PRPF8: variants seen among roughly 807,000 people sequenced by gnomAD.
The protein encoded by PRPF8 is pre-mRNA-processing-splicing factor 8.
A neutral mutation model predicts 285.9 loss-of-function variants in PRPF8; 64 were observed. The observed-to-expected ratio is 0.22, with a 90% CI of 0.18 to 0.28. The LOEUF (loss-of-function observed/expected upper bound fraction) is 0.28. Ranked by LOEUF, PRPF8 falls within the 10% of genes least tolerant of loss-of-function variation. The pLI, the probability that PRPF8 is intolerant of heterozygous loss-of-function variation, is 1.00. For synonymous variants in PRPF8, 1,325 were observed against 1,118.2 expected (o/e 1.18, Z -3.69); for missense variants, 1,426 against 3,026.7 (o/e 0.47, Z 12.41).
At chr17:1,682,537 T>A (rs553640898) in intron 3 of PRPF8, among the ~76,000 whole-genome samples, 45 of 152,230 alleles carry the variant, frequency 3.0e-4, no homozygotes, top group African/African-American at 1.1e-3. Context: ...TCAACGGCTA[T>A]CCCTCTGGAG....
At chr17:1,677,844 G>T (rs956312639) in intron 13 of PRPF8, 150 bp from the exon 14 acceptor site, 6 of 1,005,224 alleles carry the variant, frequency 6.0e-6, no homozygotes, top group Admixed American at 2.6e-5. Context: ...AAAAAACTCT[G>T]GGACCTCAAC....
rs1166478618 is a variant in PRPF8 at position 1,659,637 on chromosome 17, C to G, written c.4947-89G>C. The stretch of plus-strand genomic sequence containing the variant: ...GAACCACTTAAATCCCAAAACCATC[C>G]CACCCACTCCACCAACTTGTTCCAG... On this transcript the variant is annotated intron_variant, in intron 31 of 42. Coordinates refer to ENST00000304992, the MANE Select transcript of PRPF8 (RefSeq NM_006445.4). This position sits in a 1 kb window ranked among gnomAD's most constrained non-coding sequence, Gnocchi z 5.1. 1.3e-6 allele frequency: 2 copies of G among 1,484,734 alleles called. No homozygotes were observed. Among genetic ancestry groups the G allele is most frequent in the Non-Finnish European group, 1.9e-6 (2 of 1,075,616 alleles). The allele number at this position is 1,484,734 out of a possible 1,614,324, so 92.0% of individuals were successfully genotyped here. A position where few individuals can be genotyped will look rare whatever the true frequency, so the allele number is the denominator to read the frequency against.
rs1912455001 is a variant in PRPF8, at chr17:1,673,786, G to A, written c.3406C>T (p.Arg1136Ter). The change falls in exon 22 of 43, where the codon CGA becomes TGA. Residue 1136 changes from arginine to a stop codon, truncating the protein, a stop_gained. Transcript: ENST00000304992. LOFTEE classifies it high-confidence loss of function. The surrounding 1 kb of genome is among the most constrained non-coding windows in gnomAD (Gnocchi z 5.5). ...TTCATGAGGCGCATGCGGGCATCTC[G>A]GGGCCAGCACTTCTTGTTATTATAG... is the stretch of plus-strand genomic sequence containing the variant. ...VGYNNKKCWP[R>*]DARMRLMKHD... is the part of the protein sequence containing the mutation. The A allele has an allele frequency of 1.2e-6, 2 of 1,614,082 alleles. No homozygotes were observed. Among genetic ancestry groups the A allele is most frequent in the Non-Finnish European group, 1.7e-6 (2 of 1,180,032 alleles).
chr17:1,672,948 C>T, intron 24 of PRPF8, 133 bp downstream of exon 24: 1 of 850,330 alleles, frequency 1.2e-6, no homozygotes, highest in Non-Finnish European at 2.0e-6. Flanking sequence ...GCCACTATGG[C>T]ACAGAGCATG....
chr17:1,679,276 C>G lies in PRPF8; in HGVS notation c.1409+15G>C. 2 of 1,614,142 alleles carry G rather than the reference C, an allele frequency of 1.2e-6. No homozygotes were observed. The highest frequency in any genetic ancestry group is 1.7e-6 in the Non-Finnish European group (2 of 1,180,014). ...CTGGAACAGAAGTCTGCGCAGGGCC[C>G]CTGGGGCACCTTACCTCTTCTTTTG... On this transcript the variant is annotated intron_variant, in intron 10 of 42. Coordinates refer to ENST00000304992, the MANE Select transcript of PRPF8 (RefSeq NM_006445.4). The surrounding 1 kb of genome is among the most constrained non-coding windows in gnomAD (Gnocchi z 4.7).
At chr17:1,669,247 C>G (rs1414806440) in intron 24 of PRPF8, among the ~76,000 whole-genome samples, 1 of 152,156 alleles carries the variant, frequency 6.6e-6, no homozygotes, top group Admixed American at 6.5e-5. Flanking sequence ...GCTGAGATTA[C>G]AGGCACCCGC....
chr17:1,676,972 C>T lies in PRPF8; in HGVS notation c.2181+4G>A, dbSNP rs1357233581. 6.2e-7 allele frequency: 1 copy of T among 1,613,542 alleles called. No individual in the cohort carries two copies. The highest frequency in any genetic ancestry group is 8.5e-7 in the Non-Finnish European group (1 of 1,180,026). On this transcript the variant is annotated splice_donor_region_variant and intron_variant, in intron 15 of 42. Coordinates refer to ENST00000304992, the MANE Select transcript of PRPF8 (RefSeq NM_006445.4). The surrounding 1 kb of genome is among the most constrained non-coding windows in gnomAD (Gnocchi z 6.3). The stretch of plus-strand genomic sequence containing the variant: ...CGCCTCCAAGGAAATAAAGAGACAC[C>T]CACCTTCCAGGGAATGTTGGCTTTC...
Position 1,673,969 on chromosome 17 carries a change from G to C in PRPF8, c.3300-77C>G. 1 of 1,550,580 alleles carries C rather than the reference G, an allele frequency of 6.4e-7. No homozygotes were observed. The highest frequency in any genetic ancestry group is 8.8e-7 in the Non-Finnish European group (1 of 1,134,720). On this transcript the variant is annotated intron_variant, in intron 21 of 42. Coordinates refer to ENST00000304992, the MANE Select transcript of PRPF8 (RefSeq NM_006445.4). This position sits in a 1 kb window ranked among gnomAD's most constrained non-coding sequence, Gnocchi z 5.5. ...CACCCACAAGTCCTCCAGCTCAATA[G>C]ACGGAGACCCCACCCCATCCTACCC...
In PRPF8 at chr17:1,679,727, T is replaced by C; in HGVS notation, c.1171A>G (p.Thr391Ala). The C allele has an allele frequency of 6.2e-7, 1 of 1,614,152 alleles. No individual in the cohort carries two copies. Among genetic ancestry groups the C allele is most frequent in the Non-Finnish European group, 8.5e-7 (1 of 1,180,038 alleles). Reference sequence around the variant, plus strand: ...GCTGTATTGTCTGTATAGAGGGGTGTGTCCTTCAGGAAGGGCTCCACAAAC... The same window carrying C: ...GCTGTATTGTCTGTATAGAGGGGTGCGTCCTTCAGGAAGGGCTCCACAAAC... ...PEFVEPFLKDTPLYTDNTANG... is the reference protein window; with the variant it reads ...PEFVEPFLKDAPLYTDNTANG... The change falls in exon 9 of 43, where the codon ACA becomes GCA. Residue 391 changes from threonine (T) to alanine (A), a missense_variant. Physicochemically the swap from Thr to Ala is moderately conservative, Grantham distance 58. Transcript: ENST00000304992. The surrounding 1 kb of genome is among the most constrained non-coding windows in gnomAD (Gnocchi z 4.7).
At position 1,655,924 on chromosome 17, in the gene PRPF8, C is replaced by CT. The variant is rs76782744; in HGVS notation, c.5794-382dup. ...ACAGGCGTGAGCCACTGCGCCCGGC[C>CT]TTTTTTTTTTTTTTTTTAGACAGTC... On this transcript the variant is annotated intron_variant, in intron 36 of 42. Coordinates refer to ENST00000304992, the MANE Select transcript of PRPF8 (RefSeq NM_006445.4). Among the ~76,000 whole-genome samples the CT allele has an allele frequency of 8.0e-3, 952 of 119,474 alleles. 6 individuals carry two copies. The highest frequency in any genetic ancestry group is 0.01 in the Non-Finnish European group (598 of 57,268). 78.4% of individuals were successfully genotyped at this position (119,474 alleles called of 152,430 possible).
At position 1,673,446 on chromosome 17, in the gene PRPF8, A is replaced by G; in HGVS notation, c.3568T>C (p.Cys1190Arg). ...KDNPNLLFNM[C>R]GFECRILPKC... The stretch of plus-strand genomic sequence containing the variant: ...GGCAGGATGCGGCACTCGAAGCCAC[A>G]CATGTTGAACAGCAGGTTGGGGTTG... Residue 1190 changes from cysteine (C) to arginine (R), a missense_variant, in exon 23 of 43, where the codon TGT becomes CGT. This residue lies in a region of PRPF8 where 148 missense variants were observed against 196.2 expected (regional missense o/e 0.75). Coordinates refer to ENST00000304992, the MANE Select transcript of PRPF8 (RefSeq NM_006445.4). The surrounding 1 kb of genome is among the most constrained non-coding windows in gnomAD (Gnocchi z 5.5). 1.2e-6 allele frequency: 2 copies of G among 1,614,150 alleles called. No homozygotes were observed. Among genetic ancestry groups the G allele is most frequent in the Non-Finnish European group, 1.7e-6 (2 of 1,180,026 alleles).
rs1181051190 is a variant in PRPF8, at chr17:1,681,498, A to G, written c.846T>C (p.Leu282=). 3 of 1,602,560 alleles carry G rather than the reference A, an allele frequency of 1.9e-6. No homozygotes were observed. In the African/African-American group the frequency reaches 4.0e-5, roughly 21 times the overall value. The change falls in exon 6 of 43, where the codon CTT becomes CTC. Residue 282 remains leucine, a synonymous_variant. Transcript: ENST00000304992. ...CTCACTGTAGGTTGATGTCTCGAAC[A>G]AGAGGTTCAAATTTGGGGCCTCCAG... The part of the protein sequence containing the change: ...AIPGGPKFEP[L]VRDINLQDED...
Position 1,661,452 on chromosome 17 carries a change from G to A in PRPF8, c.4203-46C>T. On this transcript the variant is annotated intron_variant, in intron 26 of 42. Coordinates refer to ENST00000304992, the MANE Select transcript of PRPF8 (RefSeq NM_006445.4). The surrounding 1 kb of genome is among the most constrained non-coding windows in gnomAD (Gnocchi z 7.3). The stretch of plus-strand genomic sequence containing the variant: ...CAAGTCAAAACGTGATCTCATATGA[G>A]GAGCTCAGCACTCCTTCCTGGCCAA... 1 of 1,613,736 alleles carries A rather than the reference G, an allele frequency of 6.2e-7. No homozygotes were observed. The highest frequency in any genetic ancestry group is 8.5e-7 in the Non-Finnish European group (1 of 1,179,956).
chr17:1,674,402 T>G (rs1912504386), intron 21 of PRPF8, 40 bp downstream of exon 21: 1 of 1,591,604 alleles, frequency 6.3e-7, no homozygotes, highest in South Asian at 1.1e-5. Context: ...AGCACATGCC[T>G]CAGTACCCTG....
chr17:1,670,118 G>T (rs1912222454), intron 24 of PRPF8, among the ~76,000 whole-genome samples: 5 of 147,988 alleles, frequency 3.4e-5, no homozygotes, highest in Admixed American at 3.4e-4. Context: ...CACCACTAAG[G>T]GAGCAGAAGG....
At chr17:1,654,615 G>GA (rs1419589037) in intron 37 of PRPF8, 1 of 178,866 alleles carries the variant, frequency 5.6e-6, no homozygotes, top group East Asian at 1.3e-4. Flanking sequence ...TCTCTTCCTC[G>GA]AGACTCTGTA....
rs1450301592 is a variant in PRPF8 at position 1,660,003 on chromosome 17, TGAAGG to T, written c.4786-7_4786-3del. On this transcript the variant is annotated splice_polypyrimidine_tract_variant and splice_region_variant and intron_variant, in intron 30 of 42. Coordinates refer to ENST00000304992, the MANE Select transcript of PRPF8 (RefSeq NM_006445.4). ...TGCATCAAGTTCCTGGTCAAACACC[TGAAGG>T]AAAACATGGAGAGATTAAGACTTGT... is the stretch of plus-strand genomic sequence containing the variant. 1.9e-6 allele frequency: 3 copies of T among 1,614,046 alleles called. No individual in the cohort carries two copies. In the South Asian group the frequency reaches 3.3e-5, roughly 18 times the overall value.
chr17:1,651,646 A>G lies in PRPF8; in HGVS notation c.6510+2T>C. 1 of 1,614,010 alleles carries G rather than the reference A, an allele frequency of 6.2e-7. No individual in the cohort carries two copies. Among genetic ancestry groups the G allele is most frequent in the Non-Finnish European group, 8.5e-7 (1 of 1,179,998 alleles). The stretch of plus-strand genomic sequence containing the variant: ...CTCCCAGGCTCCATCACTCCCCATT[A>G]CCTTGAGGTACTCATGCTGGGGCAG... On this transcript the variant is annotated splice_donor_variant, in intron 40 of 42. Coordinates refer to ENST00000304992, the MANE Select transcript of PRPF8 (RefSeq NM_006445.4). LOFTEE classifies it high-confidence loss of function. This position sits in a 1 kb window ranked among gnomAD's most constrained non-coding sequence, Gnocchi z 5.1.
intron 8 of PRPF8, chr17:1,680,507 A>G (rs2151130854): frequency 4.9e-6 from 3 of 616,404 alleles, no homozygotes; most frequent in Admixed American, 5.4e-5. Context: ...CACCCAAGAA[A>G]AGAACCGTAA....
Sources: gnomAD v4.1 joint callset for allele counts (sites outside exome capture counted in the v4.1 genomes callset) on GRCh38, gnomAD v4.1.1 for gene constraint, gnomAD v4.1.1 regional missense constraint, Gnocchi (gnomAD v3.1) non-coding constraint, MANE v1.5 for transcripts, NCBI Gene and HGNC (gene_info 2026-07-23, HGNC 2026-07-21) for gene names.